The following XKR6 variants were observed in gnomAD, a reference collection of about 807,000 sequenced individuals.
XKR6 encodes the protein XK related 6, also known as XK-related protein 6.
In XKR6, 22 loss-of-function variants were observed where a neutral mutation model predicts 56.7. The observed-to-expected ratio is 0.39, with a 90% confidence interval of 0.28 to 0.55. XKR6 has a LOEUF of 0.55. XKR6 is among the 20% of genes least tolerant of loss of function. The pLI, the probability that XKR6 is intolerant of heterozygous loss-of-function variation, is 0.66. For synonymous variants in XKR6, 524 were observed against 387.8 expected (o/e 1.35, Z -4.13); for missense variants, 852 against 889.0 (o/e 0.96, Z 0.53).
chr8:10,907,173 C>T (rs568314161), intron 2 of XKR6, among the ~76,000 whole-genome samples: 25 of 152,270 alleles, frequency 1.6e-4, no homozygotes, highest in Admixed American at 1.3e-3. Flanking sequence ...CAAGACTGAT[C>T]GAAGTGATCT....
intron 1 of XKR6, among the ~76,000 whole-genome samples, chr8:11,054,585 G>T (rs1563106724): frequency 6.6e-6 from 1 of 152,208 alleles, no homozygotes; most frequent in African/African-American, 2.4e-5. Flanking sequence ...CTGCCTCATA[G>T]GGCCCTATCC....
intron 1 of XKR6, among the ~76,000 whole-genome samples, chr8:11,072,693 C>T (rs1800163820): frequency 6.6e-6 from 1 of 152,202 alleles, no homozygotes; most frequent in African/African-American, 2.4e-5. Context: ...CACTGGTGGT[C>T]AGAGGGCAAA....
At chr8:11,036,623 A>T (rs1464396937) in intron 1 of XKR6, among the ~76,000 whole-genome samples, 1 of 152,262 alleles carries the variant, frequency 6.6e-6, no homozygotes, top group African/African-American at 2.4e-5. Flanking sequence ...AATCTGATGC[A>T]TGCTAAGATC....
intron 1 of XKR6, among the ~76,000 whole-genome samples, chr8:10,956,899 A>G (rs1172387183): frequency 1.3e-5 from 2 of 152,080 alleles, no homozygotes; most frequent in African/African-American, 4.8e-5. Context: ...TAAAATGTGT[A>G]CCCTGGCACC....
intron 1 of XKR6, among the ~76,000 whole-genome samples, chr8:11,135,033 A>G (rs1800310157): frequency 8.0e-6 from 1 of 124,664 alleles, no homozygotes; most frequent in African/African-American, 3.7e-5. Flanking sequence ...AAAATGCACT[A>G]ATTTTTTTTT....
intron 1 of XKR6, among the ~76,000 whole-genome samples, chr8:11,129,506 A>C (rs186193153): frequency 2.6e-5 from 4 of 152,254 alleles, no homozygotes; most frequent in Admixed American, 2.6e-4. Flanking sequence ...CCACAGGAGG[A>C]CCATTAGATG....
chr8:11,071,011 C>T (rs900059002), intron 1 of XKR6, among the ~76,000 whole-genome samples: 17 of 152,212 alleles, frequency 1.1e-4, no homozygotes, highest in African/African-American at 1.9e-4. Context: ...ACAGTGGGTA[C>T]GGCTGTGGTG....
chr8:11,163,241 A>G (rs946901823), intron 1 of XKR6, among the ~76,000 whole-genome samples: 3 of 152,256 alleles, frequency 2.0e-5, no homozygotes, highest in Non-Finnish European at 4.4e-5. Context: ...TTTAAACATG[A>G]GCAGATTTTA....
chr8:11,098,725 A>C lies in XKR6; in HGVS notation c.764+101851T>G, dbSNP rs76384741. 6.4e-4 allele frequency among the ~76,000 whole-genome samples: 98 copies of C among 152,352 alleles called. 2 individuals carry two copies. The East Asian group carries it at 0.017, about 26-fold the overall frequency. On this transcript the variant is annotated intron_variant, in intron 1 of 2. Coordinates refer to ENST00000416569, the MANE Select transcript of XKR6 (RefSeq NM_173683.4). ...ATTTATTGCTTGCACAAGTGATAAG[A>C]ACCTCTTAGAAATCTTGTTCCCTTA...
At chr8:11,116,480 C>G (rs1024200276) in intron 1 of XKR6, among the ~76,000 whole-genome samples, 10 of 152,152 alleles carry the variant, frequency 6.6e-5, no homozygotes, top group African/African-American at 1.9e-4. Context: ...AAGCGATTCT[C>G]CTGCCTTAGC....
chr8:10,967,920 T>C (rs532514231), intron 1 of XKR6, among the ~76,000 whole-genome samples: 39 of 152,286 alleles, frequency 2.6e-4, no homozygotes, highest in Non-Finnish European at 4.7e-4. Context: ...GCCTCGGCTC[T>C]GCACTGGACA....
At chr8:11,193,098 T>C (rs1803670892) in intron 1 of XKR6, among the ~76,000 whole-genome samples, 1 of 152,224 alleles carries the variant, frequency 6.6e-6, no homozygotes, top group Non-Finnish European at 1.5e-5. Flanking sequence ...TTATCAACCC[T>C]ACCTTTCCTC....
intron 1 of XKR6, among the ~76,000 whole-genome samples, chr8:11,044,809 G>A (rs1265686802): frequency 3.3e-5 from 5 of 151,810 alleles, no homozygotes; most frequent in Admixed American, 6.6e-5. Flanking sequence ...TAGTAGAGAC[G>A]GGGTTTCACC....
At chr8:11,157,918 C>A (rs749113623) in intron 1 of XKR6, among the ~76,000 whole-genome samples, 1 of 152,180 alleles carries the variant, frequency 6.6e-6, no homozygotes, top group Non-Finnish European at 1.5e-5. Context: ...GTTATCCAAT[C>A]TCCATCAAGC....
chr8:11,080,056 T>TA (rs1797663360), intron 1 of XKR6, among the ~76,000 whole-genome samples: 1 of 151,942 alleles, frequency 6.6e-6, no homozygotes, highest in African/African-American at 2.4e-5. Flanking sequence ...CAAACACCTC[T>TA]AAACAAGGGT....
chr8:10,957,696 G>C (rs1801934370), intron 1 of XKR6, among the ~76,000 whole-genome samples: 1 of 152,082 alleles, frequency 6.6e-6, no homozygotes, highest in Admixed American at 6.5e-5. Context: ...ATCCCTCCTG[G>C]CCATCCAGGA....
intron 1 of XKR6, among the ~76,000 whole-genome samples, chr8:10,938,290 G>A (rs938797784): frequency 6.6e-5 from 10 of 152,060 alleles, no homozygotes; most frequent in Admixed American, 2.6e-4. Flanking sequence ...ACTGGCCTGC[G>A]CCCACTGTCT....
At chr8:10,920,769 AGCTGAT>A (rs1800687001) in intron 2 of XKR6, among the ~76,000 whole-genome samples, 1 of 152,238 alleles carries the variant, frequency 6.6e-6, no homozygotes, top group Admixed American at 6.5e-5. Flanking sequence ...CCGTAAACCC[AGCTGAT>A]GCTATAGCCT....
At chr8:10,991,246 G>T (rs574818127) in intron 1 of XKR6, among the ~76,000 whole-genome samples, 1 of 152,068 alleles carries the variant, frequency 6.6e-6, no homozygotes, top group Non-Finnish European at 1.5e-5. Context: ...GTGAGAGTAG[G>T]GGGGAAATGC....
Sources: allele counts gnomAD v4.1 joint callset (sites outside exome capture counted in the v4.1 genomes callset), GRCh38; gene constraint gnomAD v4.1.1; transcripts MANE v1.5; gene names NCBI Gene and HGNC (gene_info 2026-07-23, HGNC 2026-07-21).